DOCK9: variants seen among roughly 807,000 people sequenced by gnomAD.
The protein encoded by DOCK9 is dedicator of cytokinesis 9, also known as dedicator of cytokinesis protein 9.
Under a neutral mutation model 263.3 loss-of-function variants are expected in DOCK9, and 89 were observed. The ratio of observed to expected loss-of-function variants is 0.34; its 90% CI spans 0.28 to 0.40. The LOEUF is 0.40. Ranked by LOEUF, DOCK9 falls within the 10% of genes least tolerant of loss-of-function variation. DOCK9 has a pLI of 1.00. For missense variants in DOCK9, 2,140 were observed against 2,603.4 expected (o/e 0.82, Z 3.87); for synonymous variants, 976 against 973.1 (o/e 1.00, Z -0.06).
At chr13:98,833,219 A>AC in intron 39 of DOCK9, 1 of 132,600 alleles carries the variant, frequency 7.5e-6, no homozygotes, top group Admixed American at 8.1e-5. Context: ...AAAAAAAAAA[A>AC]AAAGATTTCC....
chr13:98,826,081 A>G (rs975584937), intron 44 of DOCK9: 9 of 563,770 alleles, frequency 1.6e-5, no homozygotes, highest in Non-Finnish European at 2.3e-5. Flanking sequence ...CACCAGAAAT[A>G]TACAGTCTGT....
intron 2 of DOCK9, among the ~76,000 whole-genome samples, chr13:98,941,739 G>A (rs2140545144): frequency 6.6e-6 from 1 of 152,214 alleles, no homozygotes; most frequent in East Asian, 1.9e-4. Flanking sequence ...GATTGAGCCT[G>A]CTGAACAACT....
At chr13:98,963,242 A>ACTCC (rs1341372354) in intron 1 of DOCK9, among the ~76,000 whole-genome samples, 1 of 151,370 alleles carries the variant, frequency 6.6e-6, no homozygotes, top group African/African-American at 2.4e-5. Flanking sequence ...ATCTCTTGGA[A>ACTCC]CTCCCTCCCT....
chr13:99,053,604 CTG>C (rs1417416873), intron 1 of DOCK9, among the ~76,000 whole-genome samples: 4 of 152,196 alleles, frequency 2.6e-5, no homozygotes, highest in Non-Finnish European at 5.9e-5. Context: ...GGAGAAACCT[CTG>C]TAACTCAGAC....
chr13:98,886,664 T>C (rs1372624354), intron 18 of DOCK9, 40 bp from the exon 19 acceptor site: 2 of 1,574,314 alleles, frequency 1.3e-6, no homozygotes, highest in East Asian at 2.2e-5. Context: ...CACGGTTCGA[T>C]TAAGTAAGAA....
intron 43 of DOCK9, among the ~76,000 whole-genome samples, chr13:98,827,112 G>A (rs2092574313): frequency 1.3e-5 from 2 of 152,166 alleles, no homozygotes; most frequent in South Asian, 2.1e-4. Context: ...CAGTAAATTT[G>A]CTAAGGCTTT....
chr13:99,080,887 A>G (rs910533553), intron 1 of DOCK9, among the ~76,000 whole-genome samples: 3 of 152,206 alleles, frequency 2.0e-5, no homozygotes, highest in East Asian at 3.8e-4. Flanking sequence ...TCATGTTCTT[A>G]GCACCCAGCA....
upstream of DOCK9, among the ~76,000 whole-genome samples, chr13:98,978,825 G>C (rs538314628): frequency 3.3e-5 from 5 of 152,246 alleles, no homozygotes; most frequent in Admixed American, 2.0e-4. Flanking sequence ...ATGCACAAAA[G>C]CACGGGAAAA....
intron 2 of DOCK9, among the ~76,000 whole-genome samples, 175 bp downstream of exon 2, chr13:98,955,260 G>A (rs1261727207): frequency 1.3e-5 from 2 of 152,114 alleles, no homozygotes; most frequent in East Asian, 1.9e-4. Context: ...GGAGGTTGCC[G>A]TTGAGCCAAG....
intron 27 of DOCK9, among the ~76,000 whole-genome samples, chr13:98,872,556 G>A (rs759649672): frequency 6.6e-6 from 1 of 152,072 alleles, no homozygotes; most frequent in Non-Finnish European, 1.5e-5. Flanking sequence ...ACAGGCATGT[G>A]TCACCATGCC....
rs748459886 is a variant in DOCK9, at chr13:98,880,687, G to C, written c.2746-15C>G. ...TTATACGCGTACTTTGAAGAAAAGA[G>C]AAAGAGACTTTAATGCACTGGCTCT... On this transcript the variant is annotated splice_polypyrimidine_tract_variant and intron_variant, in intron 25 of 52. Coordinates refer to ENST00000682017, the MANE Select transcript of DOCK9 (RefSeq NM_001366683.2). The C allele has an allele frequency of 1.2e-6, 2 of 1,611,928 alleles. No individual in the cohort carries two copies. Among genetic ancestry groups the C allele is most frequent in the Non-Finnish European group, 8.5e-7 (1 of 1,178,904 alleles).
intron 1 of DOCK9, among the ~76,000 whole-genome samples, chr13:99,043,300 T>A (rs1888651141): frequency 6.6e-6 from 1 of 152,124 alleles, no homozygotes; most frequent in African/African-American, 2.4e-5. Context: ...GCCTCAGAAA[T>A]CAAACTTCTC....
rs1291915058 is a variant in DOCK9, at chr13:98,825,839, G to C, written c.5023+991C>G. ...GGAGGGCACGTGACCAGGGCAGGGGGTCCCCGGGGGCTGGGCTGATCCTCA... is the reference window on the plus strand; with the variant it reads ...GGAGGGCACGTGACCAGGGCAGGGGCTCCCCGGGGGCTGGGCTGATCCTCA... On this transcript the variant is annotated intron_variant, in intron 44 of 52. Transcript: ENST00000682017. This position sits in a 1 kb window ranked among gnomAD's most constrained non-coding sequence, Gnocchi z 4.1. 4.2e-6 allele frequency: 6 copies of C among 1,441,340 alleles called. No individual in the cohort carries two copies. Among genetic ancestry groups the C allele is most frequent in the Non-Finnish European group, 4.6e-6 (5 of 1,087,520 alleles). 89.3% of individuals were successfully genotyped at this position (1,441,340 alleles called of 1,614,324 possible).
At chr13:98,883,924 T>C (rs1314488409) in intron 21 of DOCK9, 25 bp from the exon 22 acceptor site, 5 of 1,526,682 alleles carry the variant, frequency 3.3e-6, no homozygotes, top group Non-Finnish European at 4.5e-6. Flanking sequence ...GAAGAAACAA[T>C]ATCCCTACAG....
chr13:98,824,378 A>C lies in DOCK9; in HGVS notation c.5130+20T>G. ...CAGATACCCCAGTACCTGAAAGCCCACATGAGTTCAAGCACGCACCTCGTT... is the reference window on the plus strand; with the variant it reads ...CAGATACCCCAGTACCTGAAAGCCCCCATGAGTTCAAGCACGCACCTCGTT... On this transcript the variant is annotated intron_variant, in intron 45 of 52. Transcript: ENST00000682017. 2.5e-6 allele frequency: 4 copies of C among 1,610,574 alleles called. No homozygotes were observed. In the African/African-American group the frequency reaches 4.0e-5, roughly 16 times the overall value.
intron 1 of DOCK9, among the ~76,000 whole-genome samples, chr13:99,057,432 C>A (rs1596002634): frequency 1.3e-5 from 2 of 152,190 alleles, no homozygotes; most frequent in Non-Finnish European, 2.9e-5. Context: ...CACTAAGGCA[C>A]GGTAAGTCCT....
intron 12 of DOCK9, 119 bp downstream of exon 12, chr13:98,902,169 A>G: frequency 9.1e-7 from 1 of 1,100,224 alleles, no homozygotes. Flanking sequence ...AATACTATTA[A>G]TTAAGAGTCT....
chr13:98,937,728 T>A (rs1595479508), intron 2 of DOCK9, among the ~76,000 whole-genome samples: 2 of 137,406 alleles, frequency 1.5e-5, no homozygotes, highest in East Asian at 2.0e-4. Flanking sequence ...TTTTTTTTTT[T>A]AACAGAATGA....
intron 9 of DOCK9, among the ~76,000 whole-genome samples, chr13:98,906,528 C>T (rs1001265886): frequency 1.3e-5 from 2 of 152,226 alleles, no homozygotes; most frequent in Admixed American, 6.5e-5. Context: ...TCTATGGAGT[C>T]GGAATAGAAT....
Sources: allele counts gnomAD v4.1 joint callset (sites outside exome capture counted in the v4.1 genomes callset), GRCh38; gene constraint gnomAD v4.1.1; non-coding constraint Gnocchi (gnomAD v3.1); transcripts MANE v1.5; gene names NCBI Gene and HGNC (gene_info 2026-07-23, HGNC 2026-07-21).